AFF3: variants seen among roughly 807,000 people sequenced by gnomAD.
AFF3 encodes the protein ALF transcription elongation factor 3, also known as AF4/FMR2 family member 3.
Under a neutral mutation model 129.7 loss-of-function variants are expected in AFF3, and 32 were observed. The ratio of observed to expected loss-of-function variants is 0.25; its 90% CI spans 0.19 to 0.33. The LOEUF is 0.33. Among genes scored for constraint, AFF3 ranks in the 10% least tolerant of loss-of-function variants. The pLI, the probability that AFF3 is intolerant of heterozygous loss-of-function variation, is 1.00. For missense variants in AFF3, 1,373 were observed against 1,592.0 expected (o/e 0.86, Z 2.34); for synonymous variants, 644 against 635.4 (o/e 1.01, Z -0.20).
chr2:100,130,870 G>A (rs560026723), intron 1 of AFF3, among the ~76,000 whole-genome samples: 1 of 152,062 alleles, frequency 6.6e-6, no homozygotes, highest in Admixed American at 6.6e-5. Flanking sequence ...AGGCCAGAAG[G>A]TTAACCACTC....
At chr2:99,788,294 G>C (rs891113917) in intron 8 of AFF3, among the ~76,000 whole-genome samples, 2 of 152,102 alleles carry the variant, frequency 1.3e-5, no homozygotes, top group Non-Finnish European at 2.9e-5. Context: ...GAGGTATCCA[G>C]AAGAAGGCAC....
intron 9 of AFF3, among the ~76,000 whole-genome samples, chr2:99,748,269 T>A (rs556882489): frequency 1.8e-4 from 27 of 152,326 alleles, no homozygotes; most frequent in African/African-American, 6.0e-4. Flanking sequence ...CCTACATATG[T>A]GTAGCTTCTG....
At position 99,578,225 on chromosome 2, in the gene AFF3, C is replaced by A. The variant is rs571386138; in HGVS notation, c.2918+102G>T. 2.8e-6 allele frequency: 4 copies of A among 1,447,990 alleles called. No homozygotes were observed. In the Middle Eastern group the frequency reaches 7.2e-4, roughly 261 times the overall value. 89.7% of individuals were successfully genotyped at this position (1,447,990 alleles called of 1,614,324 possible). The stretch of plus-strand genomic sequence containing the variant: ...AGTCCCAGGGGAAAAAAAGGCCGCA[C>A]TGTAGCTGAAGGTGGCCACACCAAG... On this transcript the variant is annotated intron_variant, in intron 18 of 24. Coordinates refer to ENST00000672756, the MANE Select transcript of AFF3 (RefSeq NM_001386135.1).
At chr2:99,826,726 T>G (rs893534750) in intron 8 of AFF3, among the ~76,000 whole-genome samples, 1 of 152,050 alleles carries the variant, frequency 6.6e-6, no homozygotes, top group Non-Finnish European at 1.5e-5. Flanking sequence ...GGCCACAGCA[T>G]GTGCGACTCT....
chr2:99,775,244 A>G (rs1683803756), intron 8 of AFF3, among the ~76,000 whole-genome samples: 1 of 152,214 alleles, frequency 6.6e-6, no homozygotes, highest in Non-Finnish European at 1.5e-5. Context: ...GGTATTACCC[A>G]AAGGAATAGA....
intron 7 of AFF3, among the ~76,000 whole-genome samples, chr2:99,868,582 G>A (rs1691620130): frequency 6.6e-6 from 1 of 152,152 alleles, no homozygotes; most frequent in Non-Finnish European, 1.5e-5. Flanking sequence ...AATGAGGCCT[G>A]GAGGAAGAGG....
chr2:99,852,655 G>A (rs1044647656), intron 7 of AFF3, among the ~76,000 whole-genome samples: 4 of 152,142 alleles, frequency 2.6e-5, no homozygotes, highest in Non-Finnish European at 5.9e-5. Flanking sequence ...CACATTCTAC[G>A]GGGGAGCAGG....
At position 99,818,638 on chromosome 2, in the gene AFF3, G is replaced by C. The variant is rs141942767; in HGVS notation, c.921+18839C>G. 2.8e-4 allele frequency among the ~76,000 whole-genome samples: 43 copies of C among 152,234 alleles called. 1 individual carries two copies. The highest frequency in any genetic ancestry group is 1.0e-3 in the African/African-American group (42 of 41,568). ...TATAGAAAGCACTTACATTTCAGTA[G>C]GAGGGTTTAGTCATTTGTCAATAAA... On this transcript the variant is annotated intron_variant, in intron 8 of 24. Coordinates refer to ENST00000672756, the MANE Select transcript of AFF3 (RefSeq NM_001386135.1).
chr2:100,007,061 T>A (rs1682038117), intron 6 of AFF3, 44 bp from the exon 7 acceptor site: 1 of 1,586,040 alleles, frequency 6.3e-7, no homozygotes, highest in Non-Finnish European at 8.6e-7. Context: ...ATGAGGGGGG[T>A]CGACACATAG....
chr2:100,019,828 G>A (rs918132232), intron 4 of AFF3, among the ~76,000 whole-genome samples: 1 of 151,830 alleles, frequency 6.6e-6, no homozygotes, highest in Non-Finnish European at 1.5e-5. Flanking sequence ...CTCCTCTCTG[G>A]GGGGAGCCCT....
At chr2:99,784,290 AC>A (rs1281151402) in intron 8 of AFF3, among the ~76,000 whole-genome samples, 1 of 152,168 alleles carries the variant, frequency 6.6e-6, no homozygotes, top group African/African-American at 2.4e-5. Context: ...CGTTTTCAGC[AC>A]CCTCGTGGAT....
At chr2:99,582,498 C>T (rs1677666032) in intron 17 of AFF3, among the ~76,000 whole-genome samples, 1 of 152,224 alleles carries the variant, frequency 6.6e-6, no homozygotes, top group Non-Finnish European at 1.5e-5. Context: ...TTGGTTCAAA[C>T]TCCTAATTTA....
chr2:99,602,747 C>T (rs1419515212), intron 13 of AFF3, among the ~76,000 whole-genome samples: 4 of 152,146 alleles, frequency 2.6e-5, no homozygotes, highest in Admixed American at 6.5e-5. Flanking sequence ...TGGGGGTTTA[C>T]GGTCTCAAGT....
intron 20 of AFF3, among the ~76,000 whole-genome samples, chr2:99,563,251 C>T (rs1208469092): frequency 6.6e-5 from 10 of 151,328 alleles, no homozygotes; most frequent in East Asian, 2.0e-4. Flanking sequence ...AGTGCAGTGG[C>T]GCGATCTTGG....
chr2:99,972,352 C>T (rs1043057234), intron 7 of AFF3, among the ~76,000 whole-genome samples: 20 of 152,228 alleles, frequency 1.3e-4, no homozygotes, highest in Non-Finnish European at 2.6e-4. Context: ...TTCACAGCTG[C>T]TACAGTTGGT....
At chr2:100,120,482 T>C (rs1425843061) in intron 2 of AFF3, among the ~76,000 whole-genome samples, 1 of 138,154 alleles carries the variant, frequency 7.2e-6, no homozygotes. Context: ...ACCCTCTGCC[T>C]TGTGAATACT....
chr2:100,009,748 G>GC (rs1220622681), intron 4 of AFF3, among the ~76,000 whole-genome samples: 1 of 152,164 alleles, frequency 6.6e-6, no homozygotes, highest in Non-Finnish European at 1.5e-5. Flanking sequence ...AAACAAAGGG[G>GC]CTAATTCAAC....
At chr2:99,897,953 T>TA (rs1694091600) in intron 7 of AFF3, among the ~76,000 whole-genome samples, 1 of 152,170 alleles carries the variant, frequency 6.6e-6, no homozygotes, top group Non-Finnish European at 1.5e-5. Flanking sequence ...TGTGAATTGA[T>TA]AAGAAGAAAC....
rs540419570 is a variant in AFF3 at position 99,580,402 on chromosome 2, T to A, written c.2794-1951A>T. ...GGAGACTGTGCAGCCCATAAACCCT[T>A]AAATTATTTATCTGACTCTTTACAG... On this transcript the variant is annotated intron_variant, in intron 17 of 24. Coordinates refer to ENST00000672756, the MANE Select transcript of AFF3 (RefSeq NM_001386135.1). 5.3e-5 allele frequency among the ~76,000 whole-genome samples: 8 copies of A among 152,248 alleles called. No homozygotes were observed. In the South Asian group the frequency reaches 1.2e-3, roughly 24 times the overall value.
Sources: gnomAD v4.1 joint callset for allele counts (sites outside exome capture counted in the v4.1 genomes callset) on GRCh38, gnomAD v4.1.1 for gene constraint, MANE v1.5 for transcripts, NCBI Gene and HGNC (gene_info 2026-07-23, HGNC 2026-07-21) for gene names.